DNAH14: variants seen among roughly 807,000 people sequenced by gnomAD.
DNAH14 encodes dynein axonemal heavy chain 14, also known as axonemal beta dynein heavy chain 14.
A neutral mutation model predicts 520.9 loss-of-function variants in DNAH14; 478 were observed. The ratio of observed to expected loss-of-function variants is 0.92; its 90% confidence interval spans 0.85 to 0.99. The LOEUF (loss-of-function observed/expected upper bound fraction) is 0.99, where lower values mean the gene tolerates loss of function less well. Ranked by LOEUF, DNAH14 falls within the 50% of genes least tolerant of loss-of-function variation. The pLI, the probability that DNAH14 is intolerant of heterozygous loss-of-function variation, is 0.00. For missense variants in DNAH14, 4,831 were observed against 5,234.5 expected (o/e 0.92, Z 2.38); for synonymous variants, 1,581 against 1,757.2 (o/e 0.90, Z 2.51).
intron 12 of DNAH14, among the ~76,000 whole-genome samples, chr1:225,040,585 A>G (rs1391077058): frequency 6.6e-6 from 1 of 152,186 alleles, no homozygotes; most frequent in Non-Finnish European, 1.5e-5. Flanking sequence ...TTGATGAAAC[A>G]GTTCACTTAC....
intron 17 of DNAH14, among the ~76,000 whole-genome samples, chr1:225,062,152 T>A (rs1040127617): frequency 8.8e-4 from 123 of 139,238 alleles, no homozygotes; most frequent in African/African-American, 3.0e-3. Flanking sequence ...TGCAAAAAAA[T>A]TAGTCAGGCA....
chr1:225,259,198 A>C lies in DNAH14; in HGVS notation c.7102A>C (p.Lys2368Gln). Residue 2368 changes from lysine to glutamine, a missense_variant, in exon 46 of 86, where the codon AAA becomes CAA. Transcript: ENST00000682510. ...AGAGGGTCCAGGAGCATTTGACATA[A>C]AACATGGTTCAATTTTAGGAGACAC... ...KLEGPGAFDI[K>Q]HGSILGDTLL... 1.3e-6 allele frequency: 2 copies of C among 1,544,626 alleles called. No individual in the cohort carries two copies. Among genetic ancestry groups the C allele is most frequent in the Non-Finnish European group, 1.7e-6 (2 of 1,143,654 alleles).
chr1:225,275,946 C>A lies in DNAH14; in HGVS notation c.8043C>A (p.His2681Gln). ...IQWTQENLMNHSTVFLDFLDI... is the reference protein window; with the variant it reads ...IQWTQENLMNQSTVFLDFLDI... ...GGACCCAAGAAAACCTGATGAATCA[C>A]TCAACTGTATTTTTGGACTTCTTGG... Residue 2681 changes from histidine (H) to glutamine (Q), a missense_variant, in exon 53 of 86, where the codon CAC (histidine) becomes CAA (glutamine). Transcript: ENST00000682510. 2.6e-6 allele frequency: 1 copy of A among 380,418 alleles called. No homozygotes were observed. Among genetic ancestry groups the A allele is most frequent in the South Asian group, 2.2e-5 (1 of 46,022 alleles). The allele number at this position is 380,418 out of a possible 1,614,324, so 23.6% of individuals were successfully genotyped here.
chr1:225,039,169 T>C (rs1470188765), intron 12 of DNAH14, among the ~76,000 whole-genome samples: 1 of 152,046 alleles, frequency 6.6e-6, no homozygotes, highest in East Asian at 1.9e-4. Context: ...TGATGAGTAC[T>C]GTGAAGAAAA....
intron 25 of DNAH14, among the ~76,000 whole-genome samples, chr1:225,118,593 G>T (rs1424793110): frequency 6.6e-6 from 1 of 152,092 alleles, no homozygotes; most frequent in African/African-American, 2.4e-5. Flanking sequence ...AAAAGATCCA[G>T]TGAGGAAGGC....
intron 25 of DNAH14, among the ~76,000 whole-genome samples, chr1:225,118,886 CAAAA>C (rs35262847): frequency 2.7e-5 from 2 of 74,634 alleles, no homozygotes; most frequent in Non-Finnish European, 6.1e-5. Flanking sequence ...CTCTCTGTCT[CAAAA>C]AAAAAAAAAA....
intron 44 of DNAH14, 133 bp downstream of exon 44, chr1:225,252,550 G>T (rs762898147): frequency 3.6e-6 from 2 of 563,148 alleles, no homozygotes; most frequent in Non-Finnish European, 6.1e-6. Context: ...TGTTTGTGTA[G>T]AGACCAGTTT....
At chr1:224,969,012 G>A in intron 7 of DNAH14, 138 bp downstream of exon 7, 1 of 559,080 alleles carries the variant, frequency 1.8e-6, no homozygotes, top group Non-Finnish European at 3.1e-6. Flanking sequence ...ATTTTTTACG[G>A]AACACCCCAT....
At chr1:225,233,524 G>A (rs573876174) in intron 42 of DNAH14, among the ~76,000 whole-genome samples, 15 of 152,178 alleles carry the variant, frequency 9.9e-5, no homozygotes, top group African/African-American at 2.2e-4. Context: ...ATGGTAGCTC[G>A]TTGTGGTTTT....
intron 17 of DNAH14, among the ~76,000 whole-genome samples, chr1:225,075,482 A>C (rs1325367446): frequency 6.6e-6 from 1 of 151,882 alleles, no homozygotes; most frequent in Non-Finnish European, 1.5e-5. Flanking sequence ...CTCTTTGTTA[A>C]ATTTCTAAAT....
At chr1:224,954,255 C>A (rs2060363235) in intron 2 of DNAH14, among the ~76,000 whole-genome samples, 1 of 152,038 alleles carries the variant, frequency 6.6e-6, no homozygotes, top group Non-Finnish European at 1.5e-5. Flanking sequence ...TAAATAAGTT[C>A]AAAGACATTG....
At chr1:225,079,716 C>T (rs1263756826) in intron 18 of DNAH14, among the ~76,000 whole-genome samples, 168 bp downstream of exon 18, 1 of 142,780 alleles carries the variant, frequency 7.0e-6, no homozygotes, top group African/African-American at 2.6e-5. Context: ...CTCTGTTGCC[C>T]AGGCTGGACT....
chr1:225,153,950 A>G, intron 34 of DNAH14, 124 bp downstream of exon 34: 1 of 598,526 alleles, frequency 1.7e-6, no homozygotes, highest in Non-Finnish European at 2.8e-6. Context: ...ATAGTAAAGT[A>G]AGGCAGAGAT....
chr1:225,252,972 G>A (rs2092609825), intron 44 of DNAH14, among the ~76,000 whole-genome samples: 1 of 152,050 alleles, frequency 6.6e-6, no homozygotes, highest in African/African-American at 2.4e-5. Context: ...AGCTTCTTTA[G>A]AGTTCCTGCA....
intron 77 of DNAH14, among the ~76,000 whole-genome samples, chr1:225,372,787 G>A (rs1274980165): frequency 6.6e-6 from 1 of 152,094 alleles, no homozygotes; most frequent in Non-Finnish European, 1.5e-5. Context: ...TTAGGATAAT[G>A]CAAATGACTG....
intron 37 of DNAH14, among the ~76,000 whole-genome samples, chr1:225,191,030 A>T (rs2085365574): frequency 6.6e-6 from 1 of 152,136 alleles, no homozygotes; most frequent in East Asian, 1.9e-4. Flanking sequence ...TTGTGTACCC[A>T]TTAATATAGA....
chr1:224,990,183 A>AT (rs1160267669), intron 8 of DNAH14, among the ~76,000 whole-genome samples: 1 of 151,936 alleles, frequency 6.6e-6, no homozygotes, highest in African/African-American at 2.4e-5. Flanking sequence ...ACTTACTTTT[A>AT]TTTTACATTG....
intron 41 of DNAH14, among the ~76,000 whole-genome samples, chr1:225,229,785 A>G (rs1379772604): frequency 6.6e-6 from 1 of 151,938 alleles, no homozygotes; most frequent in Non-Finnish European, 1.5e-5. Context: ...GGTCAAGGGG[A>G]GGGATAGCAC....
At chr1:225,272,740 C>G (rs1020561544) in intron 51 of DNAH14, among the ~76,000 whole-genome samples, 1 of 152,112 alleles carries the variant, frequency 6.6e-6, no homozygotes, top group African/African-American at 2.4e-5. Context: ...CCAAGTCCCC[C>G]TCCCTCTAAG....
Sources: allele counts gnomAD v4.1 joint callset (sites outside exome capture counted in the v4.1 genomes callset), GRCh38; gene constraint gnomAD v4.1.1; transcripts MANE v1.5; gene names NCBI Gene and HGNC (gene_info 2026-07-23, HGNC 2026-07-21).